The following GLB1 variants were observed in gnomAD, a reference collection of about 807,000 sequenced individuals.
The protein encoded by GLB1 is beta-galactosidase.
In GLB1, 56 loss-of-function variants were observed where a neutral mutation model predicts 74.0. That is an observed-to-expected ratio of 0.76 (90% confidence interval 0.61 to 0.94). GLB1 has a LOEUF of 0.94. GLB1 is among the 40% of genes least tolerant of loss of function. GLB1 has a pLI of 0.00. For missense variants in GLB1, 787 were observed against 845.5 expected, an observed-to-expected ratio of 0.93 and a Z score of 0.86; for synonymous variants, 323 against 323.6, an observed-to-expected ratio of 1.00 and a Z score of 0.02.
At chr3:33,079,605 T>C (rs1700250679) in intron 1 of GLB1, among the ~76,000 whole-genome samples, 1 of 152,182 alleles carries the variant, frequency 6.6e-6, no homozygotes, top group South Asian at 2.1e-4. Flanking sequence ...AAATGAATTA[T>C]GGTTTATATT....
At position 33,074,408 on chromosome 3, in the gene GLB1, G is replaced by GAAAGAAAGAAAGAAAGAAAGAA. The variant is rs143322194; in HGVS notation, c.76-1696_76-1695insTTCTTTCTTTCTTTCTTTCTTT. Among the ~76,000 whole-genome samples the GAAAGAAAGAAAGAAAGAAAGAA allele has an allele frequency of 1.5e-3, 173 of 113,588 alleles. 15 individuals are homozygous for GAAAGAAAGAAAGAAAGAAAGAA. The highest frequency in any genetic ancestry group is 2.6e-3 in the Non-Finnish European group (133 of 50,768). The allele number at this position is 113,588 out of a possible 152,430, so 74.5% of individuals were successfully genotyped here. A position where few individuals can be genotyped will look rare whatever the true frequency, so the allele number is the denominator to read the frequency against. ...AGGAAGGAAGAAAGAAAGAAAGAAA[G>GAAAGAAAGAAAGAAAGAAAGAA]AATATTACACATAGTAAAGTATTAC... On this transcript the variant is annotated intron_variant, in intron 1 of 15. Transcript: ENST00000307363.
chr3:33,074,023 C>CA (rs61415844), intron 1 of GLB1, among the ~76,000 whole-genome samples: 11,718 of 81,508 alleles, frequency 0.14, 1,121 homozygotes, highest in African/African-American at 0.28. Context: ...GACATTGTCT[C>CA]AAAAAAAAAA....
chr3:32,990,093 C>A, the GLB1 span, among the ~76,000 whole-genome samples: 1 of 152,222 alleles, frequency 6.6e-6, no homozygotes, highest in African/African-American at 2.4e-5. Context: ...TCTCCTGCCT[C>A]ATCTCTGTTC....
At chr3:33,007,726 C>A (rs1490251071) in intron 15 of GLB1, among the ~76,000 whole-genome samples, 1 of 152,192 alleles carries the variant, frequency 6.6e-6, no homozygotes, top group African/African-American at 2.4e-5. Context: ...TTTTGGGGGT[C>A]TGAACCCTTT....
chr3:33,008,047 T>C (rs1165052674), intron 15 of GLB1, among the ~76,000 whole-genome samples: 1 of 152,192 alleles, frequency 6.6e-6, no homozygotes, highest in Non-Finnish European at 1.5e-5. Flanking sequence ...GGAGATAGTG[T>C]CTATAAAGCG....
At chr3:33,034,132 C>T (rs561797969) in intron 10 of GLB1, 119 of 619,342 alleles carry the variant, frequency 1.9e-4, no homozygotes, top group South Asian at 1.9e-3. Context: ...AAGAGGAAAA[C>T]GGCACCTGGG....
At chr3:32,979,923 T>A in the GLB1 span, among the ~76,000 whole-genome samples, 9 of 150,180 alleles carry the variant, frequency 6.0e-5, no homozygotes, top group East Asian at 5.8e-4. Flanking sequence ...CTGAAAAAAA[T>A]TAATTAAAAA....
chr3:33,094,217 C>G (rs754470799), intron 1 of GLB1: 2 of 1,574,968 alleles, frequency 1.3e-6, no homozygotes, highest in Admixed American at 3.5e-5. Context: ...CTAGTAGGCT[C>G]CCCCACCAGT....
chr3:33,060,720 G>A (rs911020730), intron 5 of GLB1, among the ~76,000 whole-genome samples: 1 of 152,208 alleles, frequency 6.6e-6, no homozygotes, highest in Non-Finnish European at 1.5e-5. Context: ...TTGAGAGAGC[G>A]AGAAAAGCAC....
chr3:33,067,004 T>TTC (rs1485999660), intron 4 of GLB1, among the ~76,000 whole-genome samples: 43 of 147,458 alleles, frequency 2.9e-4, no homozygotes, highest in Admixed American at 2.4e-3. Flanking sequence ...TTTTATTTCT[T>TTC]TTTTTTTTTT....
intron 9 of GLB1, 46 bp from the exon 10 acceptor site, chr3:33,046,278 C>A: frequency 6.2e-7 from 1 of 1,608,528 alleles, no homozygotes; most frequent in South Asian, 1.1e-5. Context: ...TGGTGCAGCT[C>A]TGGGACAAGT....
chr3:33,053,006 T>C (rs1699059112), intron 7 of GLB1, among the ~76,000 whole-genome samples: 1 of 152,194 alleles, frequency 6.6e-6, no homozygotes, highest in South Asian at 2.1e-4. Flanking sequence ...CCCCTTAAAC[T>C]GGGCTGAGTG....
At chr3:33,094,129 A>T in intron 1 of GLB1, 1 of 1,613,928 alleles carries the variant, frequency 6.2e-7, no homozygotes, top group South Asian at 1.1e-5. Context: ...GCGATCATGG[A>T]CACGAAGACA....
At chr3:33,051,223 G>C (rs1340190354) in intron 9 of GLB1, among the ~76,000 whole-genome samples, 1 of 121,246 alleles carries the variant, frequency 8.2e-6, no homozygotes, top group Non-Finnish European at 1.6e-5. Context: ...GACAGAGCGA[G>C]ACTGCGTCTC....
intron 1 of GLB1, among the ~76,000 whole-genome samples, chr3:33,074,017 T>C (rs183056461): frequency 5.9e-5 from 8 of 135,814 alleles, no homozygotes; most frequent in Admixed American, 2.8e-4. Flanking sequence ...GAGCAAGACA[T>C]TGTCTCAAAA....
intron 10 of GLB1, among the ~76,000 whole-genome samples, chr3:33,028,644 T>C (rs1044183701): frequency 1.3e-5 from 2 of 151,934 alleles, no homozygotes; most frequent in East Asian, 3.9e-4. Flanking sequence ...TATCCATACT[T>C]GCTTATGTCA....
At chr3:33,022,563 G>GTTTTTTTTT (rs1380045437) in intron 11 of GLB1, among the ~76,000 whole-genome samples, 17 of 15,320 alleles carry the variant, frequency 1.1e-3, no homozygotes, top group Non-Finnish European at 3.6e-3. Flanking sequence ...TACTGGTTAG[G>GTTTTTTTTT]ATTTTTTTTT....
the GLB1 span, among the ~76,000 whole-genome samples, chr3:32,969,513 G>C: frequency 2.6e-5 from 4 of 152,152 alleles, no homozygotes; most frequent in African/African-American, 9.7e-5. Context: ...TAGAAAGGCA[G>C]ACAAAGAGGC....
chr3:32,973,861 C>G, the GLB1 span, among the ~76,000 whole-genome samples: 1 of 152,112 alleles, frequency 6.6e-6, no homozygotes, highest in Non-Finnish European at 1.5e-5. Flanking sequence ...GGAATAGAAG[C>G]AAAGTGTTGA....
Sources: allele counts gnomAD v4.1 joint callset (sites outside exome capture counted in the v4.1 genomes callset), GRCh38; gene constraint gnomAD v4.1.1; transcripts MANE v1.5; gene names NCBI Gene and HGNC (gene_info 2026-07-23, HGNC 2026-07-21).